NBAS: variants seen among roughly 807,000 people sequenced by gnomAD.
The protein encoded by NBAS is NBAS subunit of NRZ tethering complex, also known as NAG/BC035112 fusion.
In NBAS, 219 loss-of-function variants were observed where a neutral mutation model predicts 302.5. The observed-to-expected ratio is 0.72, with a 90% confidence interval of 0.65 to 0.81. The LOEUF (loss-of-function observed/expected upper bound fraction) is 0.81, where lower values mean the gene tolerates loss of function less well. NBAS is among the 30% of genes least tolerant of loss of function. The pLI is 0.00. For synonymous variants in NBAS, 1,118 were observed against 1,021.6 expected (o/e 1.09, Z -1.80); for missense variants, 2,932 against 2,841.6 (o/e 1.03, Z -0.72).
At chr2:15,191,349 A>T (rs1665346403) in intron 48 of NBAS, among the ~76,000 whole-genome samples, 1 of 152,202 alleles carries the variant, frequency 6.6e-6, no homozygotes, top group African/African-American at 2.4e-5. Flanking sequence ...AAGCCATCCG[A>T]AAAAGTCACA....
chr2:14,956,621 G>A, the NBAS span, among the ~76,000 whole-genome samples: 1 of 152,184 alleles, frequency 6.6e-6, no homozygotes, highest in Non-Finnish European at 1.5e-5. Flanking sequence ...GGCAGAAAAG[G>A]AAGCAAACAC....
the NBAS span, among the ~76,000 whole-genome samples, chr2:15,144,280 C>A: frequency 6.6e-6 from 1 of 151,958 alleles, no homozygotes; most frequent in Non-Finnish European, 1.5e-5. Flanking sequence ...GGCAAACCTT[C>A]CTGAACTATA....
At chr2:15,484,246 A>G (rs752764660) in intron 12 of NBAS, among the ~76,000 whole-genome samples, 8 of 152,188 alleles carry the variant, frequency 5.3e-5, no homozygotes, top group Non-Finnish European at 1.0e-4. Context: ...TCCCTTGCTT[A>G]CCATTAATAT....
chr2:14,898,923 T>C, the NBAS span, among the ~76,000 whole-genome samples: 4,582 of 152,312 alleles, frequency 0.03, 89 homozygotes, highest in South Asian at 0.05. Context: ...CTATTGTGTC[T>C]ACGTTTCTGT....
the NBAS span, among the ~76,000 whole-genome samples, chr2:15,069,803 C>T: frequency 2.6e-5 from 4 of 152,140 alleles, no homozygotes; most frequent in East Asian, 3.9e-4. Context: ...AAAGACAGAT[C>T]GATGTTTGGC....
the NBAS span, among the ~76,000 whole-genome samples, chr2:15,140,945 A>G: frequency 1.6e-4 from 24 of 152,378 alleles, no homozygotes; most frequent in East Asian, 4.2e-3. Flanking sequence ...CATTCCATGT[A>G]GAAAACTAGG....
chr2:15,440,669 G>C (rs1416548068), intron 21 of NBAS, among the ~76,000 whole-genome samples: 3 of 152,344 alleles, frequency 2.0e-5, no homozygotes, highest in Non-Finnish European at 4.4e-5. Flanking sequence ...GAATGACTTT[G>C]ATGAGTTGAG....
intron 17 of NBAS, among the ~76,000 whole-genome samples, 197 bp downstream of exon 17, chr2:15,468,185 T>C (rs1315289884): frequency 6.6e-6 from 1 of 152,200 alleles, no homozygotes; most frequent in Non-Finnish European, 1.5e-5. Context: ...TTCTCAGATA[T>C]ACTCTCATAT....
chr2:15,519,840 T>C (rs764254924), intron 9 of NBAS, among the ~76,000 whole-genome samples: 1 of 152,244 alleles, frequency 6.6e-6, no homozygotes, highest in Non-Finnish European at 1.5e-5. Context: ...TGTTTGAATC[T>C]GTTATATGAT....
intron 44 of NBAS, among the ~76,000 whole-genome samples, chr2:15,241,356 T>A (rs778349934): frequency 6.6e-6 from 1 of 152,288 alleles, no homozygotes; most frequent in East Asian, 1.9e-4. Flanking sequence ...CTAATTCACA[T>A]GGGCAGGAAG....
chr2:14,882,706 T>A, the NBAS span, among the ~76,000 whole-genome samples: 19 of 152,206 alleles, frequency 1.2e-4, no homozygotes, highest in Admixed American at 1.2e-3. Flanking sequence ...TAAATACATA[T>A]TTCTGAGGAC....
chr2:15,341,041 T>C (rs1349028802), intron 35 of NBAS, among the ~76,000 whole-genome samples: 1 of 152,108 alleles, frequency 6.6e-6, no homozygotes, highest in Non-Finnish European at 1.5e-5. Context: ...ATCAGAGTGG[T>C]ACATTTTAGA....
the NBAS span, among the ~76,000 whole-genome samples, chr2:15,159,253 T>G: frequency 3.9e-5 from 6 of 152,184 alleles, no homozygotes; most frequent in African/African-American, 1.2e-4. Context: ...CAGATGTCTT[T>G]CATAGATTTC....
intron 40 of NBAS, among the ~76,000 whole-genome samples, chr2:15,305,582 G>A (rs905482083): frequency 6.6e-6 from 1 of 151,420 alleles, no homozygotes; most frequent in Non-Finnish European, 1.5e-5. Context: ...CTCCCCAGTA[G>A]TTGGGATTAC....
the NBAS span, among the ~76,000 whole-genome samples, chr2:15,051,342 G>T: frequency 6.6e-6 from 1 of 152,216 alleles, no homozygotes; most frequent in Middle Eastern, 3.2e-3. Context: ...GGTGAAATGT[G>T]TGTGGAATTT....
rs968393744 is a variant in NBAS at position 15,490,676 on chromosome 2, A to C, written c.955-1654T>G. ...GAAGAGATTAAAGTCCTGAAGGGCA[A>C]AGACACTTGCCCATGATCACTCAAG... On this transcript the variant is annotated intron_variant, in intron 11 of 51. Coordinates refer to ENST00000281513, the MANE Select transcript of NBAS (RefSeq NM_015909.4). 3.9e-5 allele frequency among the ~76,000 whole-genome samples: 6 copies of C among 152,324 alleles called. 1 individual carries two copies. Among genetic ancestry groups the C allele is most frequent in the African/African-American group, 1.2e-4 (5 of 41,578 alleles).
the NBAS span, among the ~76,000 whole-genome samples, chr2:14,787,337 G>A: frequency 6.6e-6 from 1 of 152,060 alleles, no homozygotes; most frequent in Non-Finnish European, 1.5e-5. Context: ...AGTTAATATT[G>A]TTATGTGTGA....
At chr2:15,350,049 T>C (rs866657167) in intron 35 of NBAS, among the ~76,000 whole-genome samples, 6 of 152,234 alleles carry the variant, frequency 3.9e-5, no homozygotes, top group South Asian at 2.1e-4. Context: ...TTACTTAGTA[T>C]TGAACTGGGA....
At chr2:15,084,327 T>C in the NBAS span, among the ~76,000 whole-genome samples, 2 of 152,226 alleles carry the variant, frequency 1.3e-5, no homozygotes, top group Admixed American at 6.5e-5. Context: ...CCTCCCAAAG[T>C]GCTGGTATTA....
Sources: gnomAD v4.1 joint callset for allele counts (sites outside exome capture counted in the v4.1 genomes callset) on GRCh38, gnomAD v4.1.1 for gene constraint, MANE v1.5 for transcripts, NCBI Gene and HGNC (gene_info 2026-07-23, HGNC 2026-07-21) for gene names.